FRMD4B: variants seen among roughly 807,000 people sequenced by gnomAD.
The protein encoded by FRMD4B is FERM domain-containing protein 4B.
Under a neutral mutation model 141.5 loss-of-function variants are expected in FRMD4B, and 74 were observed. The observed-to-expected ratio is 0.52, with a 90% CI of 0.43 to 0.63. The LOEUF (loss-of-function observed/expected upper bound fraction) is 0.63, where lower values mean the gene tolerates loss of function less well. Ranked by LOEUF, FRMD4B falls within the 30% of genes least tolerant of loss-of-function variation. The pLI, the probability that FRMD4B is intolerant of heterozygous loss-of-function variation, is 0.00. For synonymous variants in FRMD4B, 506 were observed against 467.9 expected, an observed-to-expected ratio of 1.08 and a Z score of -1.05; for missense variants, 1,366 against 1,253.4, an observed-to-expected ratio of 1.09 and a Z score of -1.36.
chr3:69,512,566 T>C (rs747026210), intron 1 of FRMD4B, among the ~76,000 whole-genome samples: 16 of 152,156 alleles, frequency 1.1e-4, no homozygotes, highest in Non-Finnish European at 2.1e-4. Flanking sequence ...TCCATGATGA[T>C]GGGTGAGCTC....
At chr3:69,321,595 C>T (rs1040785744) in intron 1 of FRMD4B, among the ~76,000 whole-genome samples, 2 of 152,144 alleles carry the variant, frequency 1.3e-5, no homozygotes, top group African/African-American at 4.8e-5. Flanking sequence ...CCACTGTCTC[C>T]GCAGGGCCTA....
chr3:69,463,465 T>C (rs148636190), intron 1 of FRMD4B, among the ~76,000 whole-genome samples: 1 of 152,344 alleles, frequency 6.6e-6, no homozygotes, highest in African/African-American at 2.4e-5. Flanking sequence ...AAGTTCACGA[T>C]CAAAACATTT....
At chr3:69,196,626 C>T in intron 13 of FRMD4B, 1 of 576,534 alleles carries the variant, frequency 1.7e-6, no homozygotes, top group Admixed American at 3.5e-5. Context: ...CAGTTACTAA[C>T]TTTGAAGTGT....
chr3:69,487,780 G>T (rs1423917216), intron 1 of FRMD4B, among the ~76,000 whole-genome samples: 1 of 152,182 alleles, frequency 6.6e-6, no homozygotes. Flanking sequence ...CACAGATAAA[G>T]CTCAAGGGAG....
intron 1 of FRMD4B, among the ~76,000 whole-genome samples, chr3:69,350,935 C>T (rs565857303): frequency 3.1e-4 from 47 of 152,022 alleles, no homozygotes; most frequent in African/African-American, 1.0e-3. Context: ...ACATATGTAA[C>T]AAACCTGCAC....
intron 2 of FRMD4B, among the ~76,000 whole-genome samples, chr3:69,420,507 G>A (rs1172343900): frequency 2.0e-5 from 3 of 152,028 alleles, no homozygotes; most frequent in Admixed American, 6.6e-5. Context: ...GCAGAACAAG[G>A]ACTCAAATTC....
chr3:69,243,832 G>A (rs2093405685), intron 7 of FRMD4B, among the ~76,000 whole-genome samples: 1 of 152,166 alleles, frequency 6.6e-6, no homozygotes, highest in African/African-American at 2.4e-5. Context: ...GATCACCTGA[G>A]GCCAGGAGTT....
upstream of FRMD4B, among the ~76,000 whole-genome samples, chr3:69,388,785 A>G (rs1462348077): frequency 2.0e-5 from 3 of 152,188 alleles, no homozygotes; most frequent in Non-Finnish European, 4.4e-5. Context: ...TAACCCCCCG[A>G]ATCAAGAATT....
intron 1 of FRMD4B, among the ~76,000 whole-genome samples, chr3:69,440,642 T>TA (rs1053566764): frequency 2.0e-5 from 3 of 151,724 alleles, no homozygotes; most frequent in South Asian, 2.1e-4. Flanking sequence ...CCATCTCTAC[T>TA]AAAAAAAATA....
At chr3:69,461,033 A>G (rs1705699425) in intron 1 of FRMD4B, among the ~76,000 whole-genome samples, 1 of 152,188 alleles carries the variant, frequency 6.6e-6, no homozygotes, top group Non-Finnish European at 1.5e-5. Context: ...CTACATCTGA[A>G]GTTTTTGGTC....
intron 1 of FRMD4B, among the ~76,000 whole-genome samples, chr3:69,339,408 T>C (rs1702660973): frequency 6.6e-6 from 1 of 152,188 alleles, no homozygotes; most frequent in African/African-American, 2.4e-5. Context: ...AGTCATTTAA[T>C]CCCTTTTAGT....
At chr3:69,292,496 T>C (rs1167967279) in intron 4 of FRMD4B, among the ~76,000 whole-genome samples, 2 of 152,190 alleles carry the variant, frequency 1.3e-5, no homozygotes, top group Non-Finnish European at 2.9e-5. Flanking sequence ...GTTTTTGGAG[T>C]CCAGGCCCCT....
intron 2 of FRMD4B, among the ~76,000 whole-genome samples, chr3:69,427,110 G>A (rs1705094300): frequency 6.6e-6 from 1 of 151,906 alleles, no homozygotes; most frequent in African/African-American, 2.4e-5. Context: ...TATAAAAGGA[G>A]GGGAAAACTG....
At chr3:69,242,524 G>A (rs1231721820) in intron 7 of FRMD4B, among the ~76,000 whole-genome samples, 1 of 68,112 alleles carries the variant, frequency 1.5e-5, no homozygotes, top group Admixed American at 2.5e-4. Flanking sequence ...TTTTTTTTTT[G>A]TAGCACAGCT....
intron 1 of FRMD4B, among the ~76,000 whole-genome samples, chr3:69,437,792 T>C (rs1705283389): frequency 8.1e-6 from 1 of 122,888 alleles, no homozygotes; most frequent in African/African-American, 3.3e-5. Context: ...ACTATATTTA[T>C]ATATATTTAT....
At chr3:69,475,497 A>G (rs1705977727) in intron 1 of FRMD4B, among the ~76,000 whole-genome samples, 1 of 151,862 alleles carries the variant, frequency 6.6e-6, no homozygotes, top group African/African-American at 2.4e-5. Context: ...GAGAATGATG[A>G]TTTCCAATTT....
intron 1 of FRMD4B, among the ~76,000 whole-genome samples, chr3:69,466,995 C>A (rs1372390095): frequency 6.6e-6 from 1 of 152,182 alleles, no homozygotes; most frequent in East Asian, 1.9e-4. Flanking sequence ...AGCCACTGTG[C>A]CCGGCTAGAA....
At chr3:69,172,242 C>G (rs1012140596) in intron 22 of FRMD4B, among the ~76,000 whole-genome samples, 1 of 152,082 alleles carries the variant, frequency 6.6e-6, no homozygotes, top group African/African-American at 2.4e-5. Flanking sequence ...TGATCAGGAC[C>G]CAGACTGTAT....
intron 1 of FRMD4B, among the ~76,000 whole-genome samples, chr3:69,484,845 ATGTGC>A (rs1284892060): frequency 6.6e-6 from 1 of 152,110 alleles, no homozygotes; most frequent in Non-Finnish European, 1.5e-5. Context: ...GAGGGGAAGT[ATGTGC>A]TAACTCGTCC....
Sources: gnomAD v4.1 joint callset for allele counts (sites outside exome capture counted in the v4.1 genomes callset) on GRCh38, gnomAD v4.1.1 for gene constraint, MANE v1.5 for transcripts, NCBI Gene and HGNC (gene_info 2026-07-23, HGNC 2026-07-21) for gene names.